Variants in FMN1 observed in about 807,000 individuals in gnomAD.
FMN1 encodes the protein formin-1.
A neutral mutation model predicts 132.4 loss-of-function variants in FMN1; 110 were observed. The ratio of observed to expected loss-of-function variants is 0.83; its 90% CI spans 0.71 to 0.97. The LOEUF is 0.97. Ranked by LOEUF, FMN1 falls within the 50% of genes least tolerant of loss-of-function variation. The pLI is 0.00. For synonymous variants in FMN1, 722 were observed against 651.7 expected (o/e 1.11, Z -1.64); for missense variants, 1,792 against 1,705.3 (o/e 1.05, Z -0.90).
chr15:33,050,270 T>C (rs1465936894), intron 6 of FMN1, among the ~76,000 whole-genome samples: 3 of 152,166 alleles, frequency 2.0e-5, no homozygotes, highest in Non-Finnish European at 1.5e-5. Flanking sequence ...AAACTTTAGG[T>C]TGGAAAATGC....
At chr15:33,177,167 T>A (rs928461748) in intron 3 of FMN1, among the ~76,000 whole-genome samples, 5 of 152,232 alleles carry the variant, frequency 3.3e-5, no homozygotes, top group African/African-American at 1.2e-4. Context: ...ACACAGCTAG[T>A]AAGCTGCTGA....
intron 18 of FMN1, among the ~76,000 whole-genome samples, chr15:32,799,649 G>A (rs2057411775): frequency 1.3e-5 from 2 of 152,324 alleles, no homozygotes; most frequent in East Asian, 1.9e-4. Context: ...ATGATCTCCA[G>A]TCTGGTCAGT....
At chr15:32,989,239 G>A (rs936286356) in intron 7 of FMN1, among the ~76,000 whole-genome samples, 12 of 152,160 alleles carry the variant, frequency 7.9e-5, no homozygotes, top group Admixed American at 7.2e-4. Context: ...GTTTATGTCC[G>A]TCATGTACAT....
At chr15:32,794,369 G>A (rs2057203768) in intron 19 of FMN1, among the ~76,000 whole-genome samples, 2 of 152,130 alleles carry the variant, frequency 1.3e-5, no homozygotes, top group African/African-American at 2.4e-5. Context: ...TTGGCTCAGG[G>A]TGAATTATAT....
chr15:33,173,954 G>GAAAT (rs1259380886), intron 3 of FMN1, among the ~76,000 whole-genome samples: 13 of 150,766 alleles, frequency 8.6e-5, no homozygotes, highest in African/African-American at 2.5e-4. Flanking sequence ...AAGAAAGAAA[G>GAAAT]AAAGAAACTT....
intron 4 of FMN1, among the ~76,000 whole-genome samples, chr15:33,114,268 G>A (rs1595501381): frequency 2.0e-5 from 3 of 152,206 alleles, no homozygotes; most frequent in Admixed American, 6.5e-5. Context: ...CTTGTCCAAG[G>A]ACGAGGAATG....
chr15:33,003,631 T>G (rs539879778), intron 7 of FMN1, among the ~76,000 whole-genome samples: 1 of 152,172 alleles, frequency 6.6e-6, no homozygotes, highest in African/African-American at 2.4e-5. Context: ...AGGTAATTTA[T>G]AGATTCAATG....
At chr15:33,187,813 G>A (rs973537732) in intron 2 of FMN1, among the ~76,000 whole-genome samples, 1 of 152,146 alleles carries the variant, frequency 6.6e-6, no homozygotes, top group Non-Finnish European at 1.5e-5. Flanking sequence ...GAAAGAAAAG[G>A]CTTGAAATAG....
intron 9 of FMN1, among the ~76,000 whole-genome samples, chr15:32,956,893 TC>T (rs1296919855): frequency 1.3e-5 from 2 of 152,114 alleles, no homozygotes; most frequent in East Asian, 3.8e-4. Flanking sequence ...CCTTCTCCCC[TC>T]CCCAATAAAC....
intron 4 of FMN1, among the ~76,000 whole-genome samples, chr15:33,112,829 T>C (rs1337717632): frequency 1.3e-5 from 2 of 152,142 alleles, no homozygotes; most frequent in Non-Finnish European, 2.9e-5. Context: ...TGAAGGGCAT[T>C]TGCAGCAGAG....
intron 4 of FMN1, among the ~76,000 whole-genome samples, chr15:33,146,907 G>C (rs1360765815): frequency 3.3e-5 from 5 of 152,118 alleles, no homozygotes; most frequent in African/African-American, 1.2e-4. Flanking sequence ...ACAGGCCGTG[G>C]CTCACCCCTG....
chr15:32,991,688 T>C (rs2140857262), intron 7 of FMN1, among the ~76,000 whole-genome samples: 1 of 152,224 alleles, frequency 6.6e-6, no homozygotes, highest in African/African-American at 2.4e-5. Flanking sequence ...TGATAAATGG[T>C]GTGAAAATTT....
At chr15:33,019,790 T>C (rs893569800) in intron 6 of FMN1, among the ~76,000 whole-genome samples, 7 of 152,180 alleles carry the variant, frequency 4.6e-5, no homozygotes, top group Non-Finnish European at 1.0e-4. Flanking sequence ...GCCAAGCCCA[T>C]GCCCACTCGG....
intron 19 of FMN1, among the ~76,000 whole-genome samples, chr15:32,789,965 G>A (rs562261519): frequency 6.6e-6 from 1 of 152,316 alleles, no homozygotes; most frequent in South Asian, 2.1e-4. Context: ...GTTTGTGTAA[G>A]TACACTCTAT....
At chr15:32,940,547 T>C (rs1010076641) in intron 9 of FMN1, among the ~76,000 whole-genome samples, 1 of 152,086 alleles carries the variant, frequency 6.6e-6, no homozygotes, top group Non-Finnish European at 1.5e-5. Flanking sequence ...TTCTCAGGTA[T>C]ACGATCCTTG....
intron 17 of FMN1, among the ~76,000 whole-genome samples, chr15:32,838,245 G>A (rs1012209719): frequency 6.6e-6 from 1 of 151,678 alleles, no homozygotes; most frequent in South Asian, 2.1e-4. Flanking sequence ...TCAAACCGAG[G>A]TAAGAGAGAA....
intron 6 of FMN1, among the ~76,000 whole-genome samples, chr15:33,050,854 T>C (rs936271998): frequency 6.6e-6 from 1 of 152,250 alleles, no homozygotes; most frequent in Non-Finnish European, 1.5e-5. Context: ...TACTACTGTA[T>C]GGAATACTAT....
At chr15:32,925,096 C>G (rs1014109705) in intron 10 of FMN1, among the ~76,000 whole-genome samples, 1 of 152,248 alleles carries the variant, frequency 6.6e-6, no homozygotes, top group Admixed American at 6.5e-5. Context: ...CTTTAAATGT[C>G]TTTTATCTAA....
At chr15:32,998,934 T>A (rs1487449916) in intron 7 of FMN1, among the ~76,000 whole-genome samples, 4 of 152,184 alleles carry the variant, frequency 2.6e-5, no homozygotes, top group Non-Finnish European at 5.9e-5. Context: ...TCCTTTTCCA[T>A]GAAAATTCAA....
Sources: allele counts gnomAD v4.1 joint callset (sites outside exome capture counted in the v4.1 genomes callset), GRCh38; gene constraint gnomAD v4.1.1; transcripts MANE v1.5; gene names NCBI Gene and HGNC (gene_info 2026-07-23, HGNC 2026-07-21).